The following YJU2 variants were observed in gnomAD, a reference collection of about 807,000 sequenced individuals.
The protein encoded by YJU2 is splicing factor YJU2.
YJU2 carries 28 observed loss-of-function variants against 39.6 expected under a neutral mutation model. That is an observed-to-expected ratio of 0.71 (90% CI 0.52 to 0.97). The LOEUF (loss-of-function observed/expected upper bound fraction) is 0.97, where lower values mean the gene tolerates loss of function less well. Among genes scored for constraint, YJU2 ranks in the 50% least tolerant of loss-of-function variants. YJU2 has a pLI of 0.00. For missense variants in YJU2, 328 were observed against 430.4 expected, an observed-to-expected ratio of 0.76 and a Z score of 2.11; for synonymous variants, 184 against 182.4, an observed-to-expected ratio of 1.01 and a Z score of -0.07.
At chr19:4,259,127 G>GGCTGGA (rs1252816666) in intron 5 of YJU2, among the ~76,000 whole-genome samples, 1 of 129,002 alleles carries the variant, frequency 7.8e-6, no homozygotes, top group African/African-American at 3.1e-5. Flanking sequence ...CTGCTGCCCA[G>GGCTGGA]GCTGGAGGGC....
chr19:4,254,979 C>T (rs1043368681), intron 4 of YJU2, among the ~76,000 whole-genome samples: 3 of 149,694 alleles, frequency 2.0e-5, no homozygotes, highest in Non-Finnish European at 4.4e-5. Context: ...TCGCTTGAAC[C>T]GGGGAGGCAG....
At chr19:4,255,201 G>T (rs1197364797) in intron 4 of YJU2, among the ~76,000 whole-genome samples, 35 of 152,018 alleles carry the variant, frequency 2.3e-4, no homozygotes, top group Admixed American at 2.3e-3. Flanking sequence ...TCCAGCCTGG[G>T]CAGCAAAGCA....
At position 4,268,725 on chromosome 19, in the gene YJU2, A is replaced by G. The variant is rs1971138581; in HGVS notation, c.*29A>G. 1.3e-6 allele frequency: 2 copies of G among 1,491,088 alleles called. No homozygotes were observed. The highest frequency in any genetic ancestry group is 1.9e-6 in the Non-Finnish European group (2 of 1,074,462). 92.4% of individuals were successfully genotyped at this position (1,491,088 alleles called of 1,614,324 possible). A position where few individuals can be genotyped will look rare whatever the true frequency, so the allele number is the denominator to read the frequency against. ...CTCCCAGGACCCCCTCACGGGGTCAAAGTCACACGTCCAGCTTCAGCCACA... is the reference window on the plus strand; with the variant it reads ...CTCCCAGGACCCCCTCACGGGGTCAGAGTCACACGTCCAGCTTCAGCCACA... On this transcript the variant is annotated 3_prime_UTR_variant, in exon 8 of 8. Coordinates refer to ENST00000262962, the MANE Select transcript of YJU2 (RefSeq NM_018074.6).
At position 4,259,334 on chromosome 19, in the gene YJU2, C is replaced by G. The variant is rs560038347; in HGVS notation, c.587+911C>G. On this transcript the variant is annotated intron_variant, in intron 5 of 7. Transcript: ENST00000262962. ...GACCTCGTGATCCGCCCGCCTCGGC[C>G]TCCCAAAGTGCTGGGATTGCAGGCG... 2.6e-5 allele frequency among the ~76,000 whole-genome samples: 4 copies of G among 152,160 alleles called. No homozygotes were observed. The East Asian group carries it at 7.7e-4, about 29-fold the overall frequency.
intron 5 of YJU2, 148 bp downstream of exon 5, chr19:4,258,571 G>A: frequency 2.3e-6 from 3 of 1,328,430 alleles, no homozygotes. Flanking sequence ...CTCCCTTGTG[G>A]CGTCTCTCGA....
At chr19:4,254,246 G>A in intron 3 of YJU2, 109 bp from the exon 4 acceptor site, 2 of 817,356 alleles carry the variant, frequency 2.4e-6, no homozygotes, top group Non-Finnish European at 4.2e-6. Context: ...AGAGAAGGTA[G>A]TAGAACCAGT....
intron 1 of YJU2, among the ~76,000 whole-genome samples, chr19:4,247,624 TG>T (rs1568359603): frequency 7.5e-5 from 3 of 39,824 alleles, no homozygotes; most frequent in Non-Finnish European, 1.4e-4. Flanking sequence ...TGTGTGTGTG[TG>T]TGTGTGTGTG....
chr19:4,250,556 G>A (rs886993992), intron 2 of YJU2, among the ~76,000 whole-genome samples: 6 of 152,062 alleles, frequency 3.9e-5, no homozygotes, highest in Non-Finnish European at 5.9e-5. Flanking sequence ...GAAGGGTGTC[G>A]CCGGCCATGA....
At chr19:4,263,361 A>G (rs1971088062) in intron 6 of YJU2, among the ~76,000 whole-genome samples, 1 of 152,084 alleles carries the variant, frequency 6.6e-6, no homozygotes, top group African/African-American at 2.4e-5. Flanking sequence ...GAAGGCAAAA[A>G]GTGTGTGGAG....
At chr19:4,262,265 C>T in intron 6 of YJU2, 151 bp downstream of exon 6, 1 of 760,146 alleles carries the variant, frequency 1.3e-6, no homozygotes, top group African/African-American at 1.8e-5. Flanking sequence ...GTGGCACGAT[C>T]TTGGCTCACT....
At position 4,267,170 on chromosome 19, in the gene YJU2, C is replaced by T. The variant is rs554851740; in HGVS notation, c.709-454C>T. 1.1e-4 allele frequency among the ~76,000 whole-genome samples: 16 copies of T among 152,108 alleles called. No homozygotes were observed. The East Asian group carries it at 2.5e-3, about 24-fold the overall frequency. On this transcript the variant is annotated intron_variant, in intron 6 of 7. Coordinates refer to ENST00000262962, the MANE Select transcript of YJU2 (RefSeq NM_018074.6). ...CAGCAGTGGGGAAGACAGGAGCTCA[C>T]GGCAGAGTTGGGGAGAGAGTTATAA...
intron 5 of YJU2, among the ~76,000 whole-genome samples, chr19:4,259,071 CTTTTTTTTTTTTTTTTT>C (rs34728075): frequency 7.8e-5 from 7 of 90,262 alleles, no homozygotes; most frequent in African/African-American, 2.1e-4. Flanking sequence ...GAACACTTTT[CTTTTTTTTTTTTTTTTT>C]TTTTTTTTTT....
Position 4,254,534 on chromosome 19 carries a change from GGTGT to G in YJU2, c.405+55_405+58del. 2.7e-6 allele frequency: 4 copies of G among 1,506,204 alleles called. No homozygotes were observed. The South Asian group carries it at 3.8e-5, about 14-fold the overall frequency. The allele number at this position is 1,506,204 out of a possible 1,614,324, so 93.3% of individuals were successfully genotyped here. A position where few individuals can be genotyped will look rare whatever the true frequency, so the allele number is the denominator to read the frequency against. On this transcript the variant is annotated intron_variant, in intron 4 of 7. Transcript: ENST00000262962. ...GGTGTTCATGGGCGCTGTGTGTGTG[GGTGT>G]GTGTGTGTGCCAATGGTTGTGCCCT...
In YJU2 at chr19:4,258,440, C is replaced by A; in HGVS notation, c.587+17C>A. The A allele has an allele frequency of 6.4e-7, 1 of 1,564,222 alleles. No homozygotes were observed. ...GGAGACCGCGTGAGTCAGGGCCGGCCCAACCCAGCCCCACCTCGCAGCCTC... is the reference window on the plus strand; with the variant it reads ...GGAGACCGCGTGAGTCAGGGCCGGCACAACCCAGCCCCACCTCGCAGCCTC... On this transcript the variant is annotated intron_variant, in intron 5 of 7. Coordinates refer to ENST00000262962, the MANE Select transcript of YJU2 (RefSeq NM_018074.6).
Position 4,258,322 on chromosome 19 carries a change from G to T in YJU2, c.486G>T (p.Gln162His), listed in dbSNP as rs1971039511. ...TCCAGGAGCTGAAAGACCTGAACCA[G>T]CGGCAGGCGCACGTGGACTTCGAGG... ...ENLQELKDLNQRQAHVDFEAM... is the reference protein window; with the variant it reads ...ENLQELKDLNHRQAHVDFEAM... The change falls in exon 5 of 8, where the codon CAG becomes CAT. Residue 162 changes from glutamine (Q) to histidine (H), a missense_variant. Coordinates refer to ENST00000262962, the MANE Select transcript of YJU2 (RefSeq NM_018074.6). 6.3e-7 allele frequency: 1 copy of T among 1,577,946 alleles called. No homozygotes were observed. The highest frequency in any genetic ancestry group is 8.6e-7 in the Non-Finnish European group (1 of 1,162,654).
At chr19:4,259,293 A>G (rs1173168352) in intron 5 of YJU2, among the ~76,000 whole-genome samples, 1 of 151,442 alleles carries the variant, frequency 6.6e-6, no homozygotes. Context: ...GTTAGCCAGG[A>G]TGGTCTCGAT....
chr19:4,261,548 G>A (rs1971070713), intron 5 of YJU2, among the ~76,000 whole-genome samples: 1 of 151,378 alleles, frequency 6.6e-6, no homozygotes. Context: ...GTAATCCCAG[G>A]TACTTGGGAA....
intron 4 of YJU2, 34 bp downstream of exon 4, chr19:4,254,523 CTG>C (rs754895574): frequency 1.1e-5 from 17 of 1,542,630 alleles, no homozygotes; most frequent in Admixed American, 6.1e-5. Context: ...TTCATGGGCG[CTG>C]TGTGTGTGGG....
At chr19:4,258,733 T>A (rs923941025) in intron 5 of YJU2, among the ~76,000 whole-genome samples, 29 of 152,282 alleles carry the variant, frequency 1.9e-4, no homozygotes, top group African/African-American at 6.5e-4. Flanking sequence ...CCTCTCCTGG[T>A]GGAGCTTCGC....
Sources: allele counts gnomAD v4.1 joint callset (sites outside exome capture counted in the v4.1 genomes callset), GRCh38; gene constraint gnomAD v4.1.1; transcripts MANE v1.5; gene names NCBI Gene and HGNC (gene_info 2026-07-23, HGNC 2026-07-21).